Variants in ELAPOR2 observed in about 807,000 individuals in gnomAD.
ELAPOR2 encodes the protein endosome-lysosome associated apoptosis and autophagy regulator family member 2.
Under a neutral mutation model 120.7 loss-of-function variants are expected in ELAPOR2, and 89 were observed. The ratio of observed to expected loss-of-function variants is 0.74; its 90% CI spans 0.62 to 0.88. The LOEUF is 0.88. Ranked by LOEUF, ELAPOR2 falls within the 40% of genes least tolerant of loss-of-function variation. The pLI, the probability that ELAPOR2 is intolerant of heterozygous loss-of-function variation, is 0.00. For missense variants in ELAPOR2, 1,134 were observed against 1,251.6 expected (o/e 0.91, Z 1.42); for synonymous variants, 444 against 444.9 (o/e 1.00, Z 0.03).
Position 86,913,218 on chromosome 7 carries a change from C to G in ELAPOR2, c.1732-14G>C. Reference sequence around the variant, plus strand: ...GAACCGTCTATTCTAAAAAAAAGAGCATAAAGTAATGACTTCTGCCTTGGG... The same window carrying G: ...GAACCGTCTATTCTAAAAAAAAGAGGATAAAGTAATGACTTCTGCCTTGGG... On this transcript the variant is annotated splice_polypyrimidine_tract_variant and intron_variant, in intron 13 of 21. Transcript: ENST00000450689. The G allele has an allele frequency of 6.2e-7, 1 of 1,610,460 alleles. No individual in the cohort carries two copies. Among genetic ancestry groups the G allele is most frequent in the Non-Finnish European group, 8.5e-7 (1 of 1,177,398 alleles).
intron 2 of ELAPOR2, among the ~76,000 whole-genome samples, chr7:86,960,639 G>A (rs1029193770): frequency 5.3e-5 from 8 of 152,058 alleles, no homozygotes; most frequent in Non-Finnish European, 1.2e-4. Context: ...TTGTATTACT[G>A]TCTATTTTTC....
intron 1 of ELAPOR2, among the ~76,000 whole-genome samples, chr7:87,019,806 T>A (rs887247292): frequency 2.0e-5 from 3 of 152,104 alleles, no homozygotes; most frequent in Non-Finnish European, 2.9e-5. Flanking sequence ...CCCTAGAAAA[T>A]AATTAAGTAG....
At chr7:87,017,208 C>T (rs1793897008) in intron 1 of ELAPOR2, among the ~76,000 whole-genome samples, 1 of 152,176 alleles carries the variant, frequency 6.6e-6, no homozygotes, top group Non-Finnish European at 1.5e-5. Flanking sequence ...AAATTAGATA[C>T]ACTCCATTTT....
chr7:86,907,923 CTCATTTACTT>C (rs1467393907), intron 17 of ELAPOR2, 152 bp from the exon 18 acceptor site: 2 of 465,166 alleles, frequency 4.3e-6, no homozygotes, highest in Non-Finnish European at 7.4e-6. Flanking sequence ...ACAAATTCAG[CTCATTTACTT>C]TCATTGCCTA....
chr7:86,934,116 G>GT (rs34982680), intron 8 of ELAPOR2, among the ~76,000 whole-genome samples: 3 of 151,924 alleles, frequency 2.0e-5, no homozygotes, highest in Non-Finnish European at 4.4e-5. Context: ...ATACATCTCT[G>GT]TTTTGCATAT....
intron 19 of ELAPOR2, among the ~76,000 whole-genome samples, chr7:86,895,001 T>TA (rs1263924732): frequency 6.6e-6 from 1 of 152,022 alleles, no homozygotes; most frequent in Non-Finnish European, 1.5e-5. Flanking sequence ...AAATTTAACA[T>TA]ACGCGCCTGT....
At chr7:87,028,769 C>G (rs1794330949) in intron 1 of ELAPOR2, among the ~76,000 whole-genome samples, 1 of 152,046 alleles carries the variant, frequency 6.6e-6, no homozygotes, top group African/African-American at 2.4e-5. Flanking sequence ...TCATCTCATT[C>G]AGAATAAAAG....
In ELAPOR2 at chr7:86,882,454, T is replaced by G. The variant is rs982261003; in HGVS notation, c.3031-1924A>C. Reference sequence around the variant, plus strand: ...CAAGGTAATATTTAAAGTAAAACACTGAAAATCCTTTATAAAATCATGTTG... The same window carrying G: ...CAAGGTAATATTTAAAGTAAAACACGGAAAATCCTTTATAAAATCATGTTG... On this transcript the variant is annotated intron_variant, in intron 21 of 21. Coordinates refer to ENST00000450689, the MANE Select transcript of ELAPOR2 (RefSeq NM_001142749.3). 2.6e-5 allele frequency among the ~76,000 whole-genome samples: 4 copies of G among 152,292 alleles called. No homozygotes were observed. In the East Asian group the frequency reaches 5.8e-4, roughly 22 times the overall value.
At chr7:86,926,992 T>C (rs1790102105) in intron 8 of ELAPOR2, 76 bp from the exon 9 acceptor site, 10 of 1,324,094 alleles carry the variant, frequency 7.6e-6, no homozygotes, top group South Asian at 3.7e-5. Flanking sequence ...ACTGGCAGTA[T>C]AGGAAAAGTA....
intron 10 of ELAPOR2, among the ~76,000 whole-genome samples, chr7:86,925,149 C>T (rs1338224914): frequency 6.6e-6 from 1 of 151,928 alleles, no homozygotes; most frequent in African/African-American, 2.4e-5. Context: ...TAACCCCTCA[C>T]CAGGGCACAG....
At chr7:86,908,884 G>A (rs888733290) in intron 16 of ELAPOR2, among the ~76,000 whole-genome samples, 10 of 152,038 alleles carry the variant, frequency 6.6e-5, no homozygotes, top group South Asian at 2.1e-4. Flanking sequence ...TCATTCTCCA[G>A]TGAATTTTAT....
At chr7:86,900,638 T>A (rs1425801111) in intron 18 of ELAPOR2, among the ~76,000 whole-genome samples, 1 of 152,210 alleles carries the variant, frequency 6.6e-6, no homozygotes. Context: ...AAAGATACTC[T>A]TAGCTTAACT....
intron 1 of ELAPOR2, among the ~76,000 whole-genome samples, chr7:87,027,415 T>A (rs1347656784): frequency 6.6e-6 from 1 of 152,132 alleles, no homozygotes; most frequent in Non-Finnish European, 1.5e-5. Flanking sequence ...AAATTTTAAG[T>A]GTCATTAGAA....
intron 1 of ELAPOR2, among the ~76,000 whole-genome samples, chr7:87,045,730 C>G (rs979377331): frequency 6.6e-6 from 1 of 151,240 alleles, no homozygotes; most frequent in Non-Finnish European, 1.5e-5. Flanking sequence ...GCACAATGTG[C>G]ACATGTACCC....
At chr7:86,992,640 A>AT (rs1163905377) in intron 1 of ELAPOR2, among the ~76,000 whole-genome samples, 3 of 152,220 alleles carry the variant, frequency 2.0e-5, no homozygotes, top group African/African-American at 7.2e-5. Flanking sequence ...CTACATTCAT[A>AT]TGAAAAAAAT....
chr7:86,953,926 G>T (rs141785869), intron 2 of ELAPOR2, among the ~76,000 whole-genome samples: 1 of 152,288 alleles, frequency 6.6e-6, no homozygotes, highest in South Asian at 2.1e-4. Context: ...CTGTAACCAA[G>T]AGGTCATTTG....
At chr7:87,033,630 A>C (rs1794486871) in intron 1 of ELAPOR2, among the ~76,000 whole-genome samples, 1 of 152,008 alleles carries the variant, frequency 6.6e-6, no homozygotes, top group Non-Finnish European at 1.5e-5. Context: ...TAAATGGGCG[A>C]ACTTAAGAGA....
At chr7:86,903,664 AG>A (rs1470658864) in intron 18 of ELAPOR2, among the ~76,000 whole-genome samples, 1 of 152,210 alleles carries the variant, frequency 6.6e-6, no homozygotes, top group African/African-American at 2.4e-5. Context: ...TGAATATAAC[AG>A]GACAGAACTG....
At chr7:86,908,274 T>C (rs1375542725) in intron 17 of ELAPOR2, among the ~76,000 whole-genome samples, 173 bp downstream of exon 17, 1 of 152,034 alleles carries the variant, frequency 6.6e-6, no homozygotes, top group East Asian at 1.9e-4. Flanking sequence ...TTATTAAGTA[T>C]AAGCTACATT....
Sources: gnomAD v4.1 joint callset for allele counts (sites outside exome capture counted in the v4.1 genomes callset) on GRCh38, gnomAD v4.1.1 for gene constraint, MANE v1.5 for transcripts, NCBI Gene and HGNC (gene_info 2026-07-23, HGNC 2026-07-21) for gene names.